Variants in ATP8A2 observed in about 807,000 individuals in gnomAD.
The protein encoded by ATP8A2 is phospholipid-transporting ATPase IB.
A neutral mutation model predicts 165.6 loss-of-function variants in ATP8A2; 100 were observed. The ratio of observed to expected loss-of-function variants is 0.60; its 90% confidence interval spans 0.51 to 0.71. ATP8A2 has a LOEUF of 0.71. Ranked by LOEUF, ATP8A2 falls within the 30% of genes least tolerant of loss-of-function variation. The pLI, the probability that ATP8A2 is intolerant of heterozygous loss-of-function variation, is 0.00. For missense variants in ATP8A2, 1,227 were observed against 1,479.5 expected (o/e 0.83, Z 2.80); for synonymous variants, 543 against 548.8 (o/e 0.99, Z 0.15).
chr13:25,882,286 G>A (rs535842984), intron 33 of ATP8A2, among the ~76,000 whole-genome samples: 28 of 152,276 alleles, frequency 1.8e-4, no homozygotes, highest in African/African-American at 6.5e-4. Context: ...GAGAGGCTGT[G>A]TTAGCATAGA....
In ATP8A2 at chr13:26,001,622, T is replaced by A. The variant is rs117740888; in HGVS notation, c.3378-10909T>A. ...TTTTGATTTGCATTTCCCTAATGAC[T>A]AATGATACTGATTATCTTCATGTGC... On this transcript the variant is annotated intron_variant, in intron 35 of 36. Transcript: ENST00000381655. 6.2e-3 allele frequency among the ~76,000 whole-genome samples: 943 copies of A among 152,350 alleles called. 5 individuals are homozygous for A. Among genetic ancestry groups the A allele is most frequent in the Middle Eastern group, 0.027 (8 of 294 alleles).
At chr13:25,665,733 A>C (rs1015848234) in intron 24 of ATP8A2, among the ~76,000 whole-genome samples, 1 of 151,658 alleles carries the variant, frequency 6.6e-6, no homozygotes, top group African/African-American at 2.4e-5. Flanking sequence ...ATTATTTTAG[A>C]GGTGGGGGTC....
At chr13:25,932,395 A>G (rs1272113019) in intron 33 of ATP8A2, among the ~76,000 whole-genome samples, 2 of 152,196 alleles carry the variant, frequency 1.3e-5, no homozygotes, top group African/African-American at 4.8e-5. Flanking sequence ...TCACTTGAGT[A>G]ACCATTGCCC....
At chr13:25,488,488 C>G (rs745757608) in intron 2 of ATP8A2, among the ~76,000 whole-genome samples, 3 of 152,164 alleles carry the variant, frequency 2.0e-5, no homozygotes, top group Admixed American at 1.3e-4. Context: ...TGCCTGTAAT[C>G]CCAGCACTTT....
chr13:25,488,980 GC>G (rs1379527178), intron 2 of ATP8A2, among the ~76,000 whole-genome samples: 1 of 150,562 alleles, frequency 6.6e-6, no homozygotes, highest in Non-Finnish European at 1.5e-5. Flanking sequence ...GAGTCATAGT[GC>G]CCAGGAGGAC....
At chr13:25,853,389 T>TAAA (rs58660867) in intron 30 of ATP8A2, among the ~76,000 whole-genome samples, 42 of 72,296 alleles carry the variant, frequency 5.8e-4, no homozygotes, top group African/African-American at 1.4e-3. Context: ...AGACTCTATC[T>TAAA]AAAAAAAATA....
intron 1 of ATP8A2, among the ~76,000 whole-genome samples, chr13:25,399,919 T>G (rs1244776333): frequency 6.6e-6 from 1 of 152,050 alleles, no homozygotes; most frequent in Non-Finnish European, 1.5e-5. Context: ...CTCCTTTTTC[T>G]TCTTCCTTTT....
chr13:25,706,700 A>C (rs1039771282), intron 25 of ATP8A2, among the ~76,000 whole-genome samples: 5 of 152,160 alleles, frequency 3.3e-5, no homozygotes, highest in Non-Finnish European at 7.3e-5. Context: ...ATTTCTCAGC[A>C]TCATGAACGA....
intron 27 of ATP8A2, among the ~76,000 whole-genome samples, chr13:25,788,077 C>T (rs2045076733): frequency 6.6e-6 from 1 of 152,188 alleles, no homozygotes; most frequent in Non-Finnish European, 1.5e-5. Flanking sequence ...TGAGGCCCCG[C>T]ACCCAGGCCA....
At chr13:25,807,968 A>G (rs2138495473) in intron 27 of ATP8A2, among the ~76,000 whole-genome samples, 1 of 152,300 alleles carries the variant, frequency 6.6e-6, no homozygotes. Context: ...CTGAGGCTCT[A>G]CAGTAGCCAT....
intron 28 of ATP8A2, 34 bp from the exon 29 acceptor site, chr13:25,837,129 G>C (rs756980019): frequency 6.2e-6 from 10 of 1,607,708 alleles, no homozygotes; most frequent in Non-Finnish European, 4.3e-6. Context: ...GGATCCGAAG[G>C]GCTGCTTTTA....
intron 23 of ATP8A2, among the ~76,000 whole-genome samples, chr13:25,586,358 C>A (rs746014613): frequency 6.6e-6 from 1 of 152,076 alleles, no homozygotes; most frequent in African/African-American, 2.4e-5. Context: ...GATGTCCCAA[C>A]GTGGGGAGAA....
intron 25 of ATP8A2, among the ~76,000 whole-genome samples, chr13:25,767,179 A>T (rs1323188843): frequency 6.6e-6 from 1 of 152,228 alleles, no homozygotes; most frequent in Admixed American, 6.5e-5. Flanking sequence ...TGCCAAAAAG[A>T]TCAGCCCTTG....
intron 10 of ATP8A2, among the ~76,000 whole-genome samples, chr13:25,546,349 C>G (rs1361892102): frequency 1.3e-5 from 2 of 152,078 alleles, no homozygotes; most frequent in African/African-American, 4.8e-5. Context: ...TGTGCTAGAC[C>G]TGCTGTGCCT....
intron 24 of ATP8A2, among the ~76,000 whole-genome samples, chr13:25,655,954 A>G (rs546151904): frequency 1.1e-3 from 169 of 152,304 alleles, no homozygotes; most frequent in Non-Finnish European, 2.0e-3. Flanking sequence ...AATGTATGTA[A>G]ATAAACAAGC....
chr13:25,604,769 T>C (rs1183544935), intron 24 of ATP8A2, among the ~76,000 whole-genome samples: 2 of 152,238 alleles, frequency 1.3e-5, no homozygotes, highest in Non-Finnish European at 2.9e-5. Flanking sequence ...TGTATTCTAC[T>C]GTAGCTACAT....
chr13:25,453,662 T>A (rs2035287606), intron 1 of ATP8A2, among the ~76,000 whole-genome samples: 2 of 152,218 alleles, frequency 1.3e-5, no homozygotes, highest in African/African-American at 4.8e-5. Flanking sequence ...TAGAAACAAA[T>A]GTAAACTAAA....
intron 33 of ATP8A2, among the ~76,000 whole-genome samples, chr13:25,906,566 C>T (rs978059099): frequency 2.0e-5 from 3 of 152,030 alleles, no homozygotes; most frequent in African/African-American, 7.2e-5. Flanking sequence ...CTGTATGAAA[C>T]GCTCCCCCGC....
intron 23 of ATP8A2, among the ~76,000 whole-genome samples, chr13:25,583,617 T>C (rs1320687865): frequency 1.3e-5 from 2 of 152,248 alleles, no homozygotes; most frequent in East Asian, 3.9e-4. Flanking sequence ...TTTTCGTGTG[T>C]GTTCATTTTA....
Sources: allele counts gnomAD v4.1 joint callset (sites outside exome capture counted in the v4.1 genomes callset), GRCh38; gene constraint gnomAD v4.1.1; transcripts MANE v1.5; gene names NCBI Gene and HGNC (gene_info 2026-07-23, HGNC 2026-07-21).